The following CEP63 variants were observed in gnomAD, a reference collection of about 807,000 sequenced individuals.
CEP63 encodes the protein centrosomal protein of 63 kDa.
Under a neutral mutation model 89.1 loss-of-function variants are expected in CEP63, and 84 were observed. The ratio of observed to expected loss-of-function variants is 0.94; its 90% confidence interval spans 0.79 to 1.13. The LOEUF (loss-of-function observed/expected upper bound fraction) is 1.13, where lower values mean the gene tolerates loss of function less well. Ranked by LOEUF, CEP63 falls within the 50% of genes most tolerant of loss-of-function variation. CEP63 has a pLI of 0.00. For synonymous variants in CEP63, 267 were observed against 272.5 expected (o/e 0.98, Z 0.20); for missense variants, 838 against 813.3 (o/e 1.03, Z -0.37).
chr3:134,669,261 C>A, the CEP63 span, among the ~76,000 whole-genome samples: 1 of 152,156 alleles, frequency 6.6e-6, no homozygotes, highest in African/African-American at 2.4e-5. Flanking sequence ...CTCCTAGGCT[C>A]AAGTGATCTG....
At position 134,565,001 on chromosome 3, in the gene CEP63, A is replaced by G. The variant is rs1021713198; in HGVS notation, c.*3466A>G. On this transcript the variant is annotated 3_prime_UTR_variant, in exon 15 of 15. Coordinates refer to ENST00000675561, the MANE Select transcript of CEP63 (RefSeq NM_001353108.3). ...CACCATTTTTCAAAAAGATATATTA[A>G]TACCAAATATTAAAATGTGTCAAGA... The G allele has an allele frequency of 3.1e-6, 3 of 964,702 alleles. No individual in the cohort carries two copies. The African/African-American group carries it at 5.3e-5, about 17-fold the overall frequency. 59.8% of individuals were successfully genotyped at this position (964,702 alleles called of 1,614,324 possible).
intron 7 of CEP63, 43 bp from the exon 8 acceptor site, chr3:134,546,106 T>G (rs2109616738): frequency 1.2e-6 from 2 of 1,607,318 alleles, no homozygotes; most frequent in Non-Finnish European, 1.7e-6. Flanking sequence ...TCTGCAGGAA[T>G]TAAAAAGAAG....
intron 14 of CEP63, among the ~76,000 whole-genome samples, chr3:134,559,636 T>C (rs1956983201): frequency 6.6e-6 from 1 of 152,230 alleles, no homozygotes; most frequent in African/African-American, 2.4e-5. Flanking sequence ...TTCTGAAATA[T>C]GTTATACGTA....
At chr3:134,771,883 T>C in the CEP63 span, among the ~76,000 whole-genome samples, 1 of 152,364 alleles carries the variant, frequency 6.6e-6, no homozygotes, top group African/African-American at 2.4e-5. Flanking sequence ...CAGAAGGTAC[T>C]AACTAGATCA....
chr3:134,765,010 G>A, the CEP63 span, among the ~76,000 whole-genome samples: 6 of 152,232 alleles, frequency 3.9e-5, no homozygotes, highest in African/African-American at 1.4e-4. Flanking sequence ...AAACTTGGAG[G>A]AGCATCAGAA....
chr3:134,754,290 C>T, the CEP63 span, among the ~76,000 whole-genome samples: 1 of 152,228 alleles, frequency 6.6e-6, no homozygotes, highest in Non-Finnish European at 1.5e-5. Context: ...ACCATGAGAG[C>T]AGTGGGGCTA....
At chr3:134,720,751 T>C in the CEP63 span, among the ~76,000 whole-genome samples, 1 of 152,146 alleles carries the variant, frequency 6.6e-6, no homozygotes, top group Non-Finnish European at 1.5e-5. Context: ...TCCCCATTGA[T>C]GGTCTTGGCA....
the CEP63 span, among the ~76,000 whole-genome samples, chr3:134,758,482 A>G: frequency 6.6e-6 from 1 of 152,204 alleles, no homozygotes; most frequent in East Asian, 1.9e-4. Flanking sequence ...TGTTCTGCAG[A>G]CTAGATGGTC....
chr3:134,780,788 T>C, the CEP63 span, among the ~76,000 whole-genome samples: 1 of 152,248 alleles, frequency 6.6e-6, no homozygotes, highest in Non-Finnish European at 1.5e-5. Flanking sequence ...ATTTTATTAA[T>C]CAAGTGTATC....
chr3:134,500,793 G>A (rs1160660191), intron 2 of CEP63, among the ~76,000 whole-genome samples: 3 of 151,974 alleles, frequency 2.0e-5, no homozygotes, highest in Admixed American at 6.6e-5. Context: ...TTGTCAGTTC[G>A]CTCTGTCGGT....
chr3:134,528,561 TGTGTGTGC>T (rs1374042680), intron 3 of CEP63, among the ~76,000 whole-genome samples: 7 of 107,158 alleles, frequency 6.5e-5, no homozygotes, highest in Admixed American at 2.3e-4. Context: ...GGGGTGTGTG[TGTGTGTGC>T]GTGTGTGTGT....
intron 3 of CEP63, among the ~76,000 whole-genome samples, chr3:134,514,534 G>T (rs954709146): frequency 6.6e-6 from 1 of 152,012 alleles, no homozygotes; most frequent in African/African-American, 2.4e-5. Context: ...AAAGACAAAG[G>T]GAGGAATCTG....
chr3:134,557,524 T>C (rs1415550800), intron 12 of CEP63, among the ~76,000 whole-genome samples: 1 of 151,914 alleles, frequency 6.6e-6, no homozygotes, highest in Non-Finnish European at 1.5e-5. Context: ...TTTTTTCAAG[T>C]AGTGTCTTAC....
the CEP63 span, among the ~76,000 whole-genome samples, chr3:134,741,612 C>A: frequency 6.6e-6 from 1 of 152,130 alleles, no homozygotes; most frequent in African/African-American, 2.4e-5. Flanking sequence ...CTTGCTCCAG[C>A]CTTTTTCATT....
At chr3:134,589,175 G>C (rs1203587403), downstream of CEP63, among the ~76,000 whole-genome samples, 1 of 152,098 alleles carries the variant, frequency 6.6e-6, no homozygotes, top group African/African-American at 2.4e-5. Flanking sequence ...AATGACAAAA[G>C]GGGAAATAAT....
At chr3:134,672,999 T>C in the CEP63 span, among the ~76,000 whole-genome samples, 1 of 152,128 alleles carries the variant, frequency 6.6e-6, no homozygotes, top group Non-Finnish European at 1.5e-5. Context: ...CCTGCATGGG[T>C]GGTCTTAGCA....
At chr3:134,633,188 A>G in the CEP63 span, among the ~76,000 whole-genome samples, 1 of 152,070 alleles carries the variant, frequency 6.6e-6, no homozygotes, top group Admixed American at 6.5e-5. Flanking sequence ...TTTAAAGTAA[A>G]TAACATCAAT....
chr3:134,544,469 A>G lies in CEP63; in HGVS notation c.556-1117A>G, dbSNP rs193187401. Among the ~76,000 whole-genome samples, 43 of 152,322 alleles carry G rather than the reference A, an allele frequency of 2.8e-4. No homozygotes were observed. The East Asian group carries it at 7.7e-3, about 27-fold the overall frequency. ...TAACTCAGGAAGTGTCCAAAAACTG[A>G]TGACAGAACCAATCTCTCCTCCCTT... On this transcript the variant is annotated intron_variant, in intron 6 of 14. Transcript: ENST00000675561.
chr3:134,628,956 G>A, the CEP63 span, among the ~76,000 whole-genome samples: 2 of 152,190 alleles, frequency 1.3e-5, no homozygotes, highest in African/African-American at 4.8e-5. Context: ...ACCTAAAGAG[G>A]ACTTGAGCCT....
Sources: gnomAD v4.1 joint callset for allele counts (sites outside exome capture counted in the v4.1 genomes callset) on GRCh38, gnomAD v4.1.1 for gene constraint, MANE v1.5 for transcripts, NCBI Gene and HGNC (gene_info 2026-07-23, HGNC 2026-07-21) for gene names.